The following PCCB variants were observed in gnomAD, a reference collection of about 807,000 sequenced individuals.
The protein encoded by PCCB is propionyl-CoA carboxylase subunit beta, also known as propionyl-CoA carboxylase beta chain, mitochondrial.
Under a neutral mutation model 60.7 loss-of-function variants are expected in PCCB, and 43 were observed. The ratio of observed to expected loss-of-function variants is 0.71; its 90% CI spans 0.55 to 0.91. The LOEUF (loss-of-function observed/expected upper bound fraction) is 0.91. Ranked by LOEUF, PCCB falls within the 40% of genes least tolerant of loss-of-function variation. The pLI is 0.00. For missense variants in PCCB, 766 were observed against 702.8 expected (o/e 1.09, Z -1.02); for synonymous variants, 276 against 255.9 (o/e 1.08, Z -0.75).
chr3:136,255,978 A>G lies in PCCB; in HGVS notation c.303+3A>G. 2 of 1,614,164 alleles carry G rather than the reference A, an allele frequency of 1.2e-6. No homozygotes were observed. Among genetic ancestry groups the G allele is most frequent in the Non-Finnish European group, 1.7e-6 (2 of 1,179,994 alleles). ...GAATGGCTGCTGATAAGAATAAGGT[A>G]TTTGTTCAAATGGTGGTGTGAACAC... On this transcript the variant is annotated splice_donor_region_variant and intron_variant, in intron 2 of 14. Transcript: ENST00000251654.
intron 10 of PCCB, among the ~76,000 whole-genome samples, chr3:136,320,755 G>A (rs933525257): frequency 2.6e-5 from 4 of 151,974 alleles, no homozygotes; most frequent in African/African-American, 9.7e-5. Flanking sequence ...CTATATATAG[G>A]GTCATATTTT....
intron 3 of PCCB, among the ~76,000 whole-genome samples, chr3:136,257,481 T>G (rs898155499): frequency 6.6e-6 from 1 of 152,252 alleles, no homozygotes; most frequent in Non-Finnish European, 1.5e-5. Context: ...AATACATTTG[T>G]GTTGTTTCAA....
chr3:136,328,074 A>G (rs1169618166), intron 13 of PCCB, among the ~76,000 whole-genome samples: 3 of 152,288 alleles, frequency 2.0e-5, no homozygotes, highest in South Asian at 4.1e-4. Context: ...AGTATTGGAC[A>G]TTCTCCCAGC....
At chr3:136,292,029 G>A (rs1933716917) in intron 6 of PCCB, among the ~76,000 whole-genome samples, 1 of 152,120 alleles carries the variant, frequency 6.6e-6, no homozygotes, top group Non-Finnish European at 1.5e-5. Context: ...GTGGGTTTCT[G>A]CCCTGCAAGG....
chr3:136,282,720 T>TA (rs1942513321), intron 5 of PCCB, among the ~76,000 whole-genome samples: 1 of 152,212 alleles, frequency 6.6e-6, no homozygotes, highest in African/African-American at 2.4e-5. Context: ...ATCACATATT[T>TA]ATCATTTTCA....
chr3:136,313,274 G>C (rs551030003), intron 9 of PCCB, among the ~76,000 whole-genome samples: 1 of 152,152 alleles, frequency 6.6e-6, no homozygotes, highest in Non-Finnish European at 1.5e-5. Context: ...CGACCATTAC[G>C]TTGTCATTTG....
intron 5 of PCCB, among the ~76,000 whole-genome samples, chr3:136,268,084 G>GATA (rs1942060824): frequency 3.3e-5 from 2 of 60,944 alleles, no homozygotes; most frequent in Admixed American, 1.7e-4. Context: ...GTGTGTGTGT[G>GATA]TAGATATATA....
At chr3:136,308,413 A>G (rs1007102784) in intron 9 of PCCB, among the ~76,000 whole-genome samples, 10 of 152,178 alleles carry the variant, frequency 6.6e-5, no homozygotes, top group Admixed American at 5.2e-4. Context: ...AATGTAAAGC[A>G]TATCGAATAT....
intron 7 of PCCB, among the ~76,000 whole-genome samples, chr3:136,294,908 A>G (rs1199433573): frequency 2.0e-5 from 3 of 152,212 alleles, no homozygotes; most frequent in African/African-American, 7.2e-5. Flanking sequence ...GTGAGCCACC[A>G]TGTCCGGCTA....
chr3:136,259,101 C>G, intron 3 of PCCB: 2 of 1,373,624 alleles, frequency 1.5e-6, no homozygotes, highest in Non-Finnish European at 1.9e-6. Context: ...TACATCTGAA[C>G]ATAATGAAGA....
chr3:136,304,702 C>A (rs1285239263), intron 9 of PCCB, among the ~76,000 whole-genome samples: 1 of 97,694 alleles, frequency 1.0e-5, no homozygotes, highest in Admixed American at 1.3e-4. Flanking sequence ...CAATTCTTTT[C>A]TTTTTTTTGA....
In PCCB at chr3:136,283,934, C is replaced by A; in HGVS notation, c.641C>A (p.Thr214Lys). The change falls in exon 6 of 15, where the codon ACG becomes AAG. Residue 214 changes from threonine (T) to lysine (K), a missense_variant. By Grantham distance (78) the Thr-to-Lys change is moderately conservative. Coordinates refer to ENST00000251654, the MANE Select transcript of PCCB (RefSeq NM_000532.5). ...TACTCCCCAGCCCTAACAGACTTCA[C>A]GTTCATGGTAAAGGTAAGAAAGAAG... ...AVYSPALTDF[T>K]FMVKDTSYLF... The A allele has an allele frequency of 6.2e-7, 1 of 1,607,548 alleles. No individual in the cohort carries two copies. Among genetic ancestry groups the A allele is most frequent in the East Asian group, 2.2e-5 (1 of 44,844 alleles).
intron 8 of PCCB, among the ~76,000 whole-genome samples, chr3:136,300,011 T>C (rs1262524697): frequency 1.3e-5 from 2 of 151,898 alleles, no homozygotes; most frequent in East Asian, 1.9e-4. Context: ...CCCACACATA[T>C]GCATGTGTAC....
intron 10 of PCCB, among the ~76,000 whole-genome samples, chr3:136,323,282 A>T (rs1935173564): frequency 6.6e-6 from 1 of 151,782 alleles, no homozygotes; most frequent in Admixed American, 6.6e-5. Context: ...TGCTCATTTA[A>T]TTTTTTTATT....
At chr3:136,269,841 G>A (rs1201934366) in intron 5 of PCCB, among the ~76,000 whole-genome samples, 10 of 146,288 alleles carry the variant, frequency 6.8e-5, no homozygotes, top group Non-Finnish European at 1.3e-4. Flanking sequence ...AGCCGAGATC[G>A]TGCTACTGCA....
At position 136,256,585 on chromosome 3, in the gene PCCB, G is replaced by A. The variant is rs1941676220; in HGVS notation, c.334G>A (p.Gly112Ser). ...TGGAGACAGCGTGGTCACTGGACGA[G>A]GCCGAATCAATGGAAGATTGGTTTA... Reference protein sequence around the residue: ...FPGDSVVTGRGRINGRLVYVF... With the variant: ...FPGDSVVTGRSRINGRLVYVF... Residue 112 changes from glycine (G) to serine (S), a missense_variant, in exon 3 of 15, where the codon GGC (glycine) becomes AGC (serine). Gly to Ser is a moderately conservative substitution (Grantham distance 56). Coordinates refer to ENST00000251654, the MANE Select transcript of PCCB (RefSeq NM_000532.5). 1.2e-6 allele frequency: 2 copies of A among 1,613,426 alleles called. No individual in the cohort carries two copies. The highest frequency in any genetic ancestry group is 1.7e-6 in the Non-Finnish European group (2 of 1,179,372).
rs142150564 is a variant in PCCB at position 136,285,898 on chromosome 3, A to G, written c.654+1951A>G. Among the ~76,000 whole-genome samples, 5 of 152,354 alleles carry G rather than the reference A, an allele frequency of 3.3e-5. No individual in the cohort carries two copies. The East Asian group carries it at 7.7e-4, about 23-fold the overall frequency. Reference sequence around the variant, plus strand: ...AAGCTGTCACCATTCTACATCTTAAATATTCTGTGTATTTAATAAGAGTGC... The same window carrying G: ...AAGCTGTCACCATTCTACATCTTAAGTATTCTGTGTATTTAATAAGAGTGC... On this transcript the variant is annotated intron_variant, in intron 6 of 14. Transcript: ENST00000251654.
chr3:136,250,434 G>A lies in PCCB; in HGVS notation c.59G>A (p.Gly20Asp). The change falls in exon 1 of 15, where the codon GGT (glycine) becomes GAT (aspartate). Residue 20 changes from glycine to aspartate, a missense_variant. By Grantham distance (94) the Gly-to-Asp change is moderately conservative. Coordinates refer to ENST00000251654, the MANE Select transcript of PCCB (RefSeq NM_000532.5). ...GCAAGGCTCAGCGTTCTGGCGAGCG[G>A]TCTCCGCGCCGCGGTCCGCAGCCTT... ...VGARLSVLAS[G>D]LRAAVRSLCS... 6.3e-7 allele frequency: 1 copy of A among 1,596,442 alleles called. No homozygotes were observed. Among genetic ancestry groups the A allele is most frequent in the South Asian group, 1.1e-5 (1 of 88,848 alleles).
At chr3:136,273,780 C>G (rs1234087867) in intron 5 of PCCB, among the ~76,000 whole-genome samples, 1 of 149,510 alleles carries the variant, frequency 6.7e-6, no homozygotes, top group Non-Finnish European at 1.5e-5. Context: ...GGCGTGGTGG[C>G]GGGTGCCTGT....
Sources: allele counts gnomAD v4.1 joint callset (sites outside exome capture counted in the v4.1 genomes callset), GRCh38; gene constraint gnomAD v4.1.1; transcripts MANE v1.5; gene names NCBI Gene and HGNC (gene_info 2026-07-23, HGNC 2026-07-21).